The following SBNO2 variants were observed in gnomAD, a reference collection of about 807,000 sequenced individuals.
The protein encoded by SBNO2 is strawberry notch homolog 2, also known as protein strawberry notch homolog 2.
SBNO2 carries 89 observed loss-of-function variants against 146.3 expected under a neutral mutation model. That is an observed-to-expected ratio of 0.61 (90% CI 0.51 to 0.73). The LOEUF (loss-of-function observed/expected upper bound fraction) is 0.73, where lower values mean the gene tolerates loss of function less well. SBNO2 is among the 30% of genes least tolerant of loss of function. The probability of loss-of-function intolerance (pLI) is 0.00; values close to 1 mark genes in which losing one functional copy is unlikely to be tolerated. For missense variants in SBNO2, 2,092 were observed against 2,003.7 expected, an observed-to-expected ratio of 1.04 and a Z score of -0.84; for synonymous variants, 1,147 against 892.6, an observed-to-expected ratio of 1.29 and a Z score of -5.08.
At chr19:1,122,614 C>T (rs1255403594) in intron 9 of SBNO2, 44 bp downstream of exon 9, 4 of 1,435,912 alleles carry the variant, frequency 2.8e-6, no homozygotes, top group South Asian at 1.2e-5. Flanking sequence ...CCCGCTTCCG[C>T]CCCCCACCCC....
chr19:1,122,786 G>A lies in SBNO2; in HGVS notation c.786C>T (p.His262=), dbSNP rs1387866223. 5.2e-6 allele frequency: 8 copies of A among 1,538,048 alleles called. No individual in the cohort carries two copies. The highest frequency in any genetic ancestry group is 2.4e-5 in the East Asian group (1 of 40,992). Residue 262 remains histidine (H), a synonymous_variant, in exon 9 of 32, where the codon CAC becomes CAT. Transcript: ENST00000361757. The part of the protein sequence containing the change: ...LEAITYACQQ[H]EVLLPSGQRA... ...GCTGCCCGCTGGGGAGCAGGACCTC[G>A]TGTTGCTGTTGCCGGAGAGCAGGCG...
chr19:1,125,392 C>T (rs921472504), intron 5 of SBNO2, among the ~76,000 whole-genome samples: 3 of 145,938 alleles, frequency 2.1e-5, no homozygotes, highest in African/African-American at 7.7e-5. Context: ...GAGCGTGGGC[C>T]GGGCATGGTG....
chr19:1,126,803 G>A lies in SBNO2; in HGVS notation c.441+801C>T, dbSNP rs11084884. ...CTCCCAAAGTCTAGAAGCTTCTCTC[G>A]TGGACAGGCCCGGATTGGGGAAGGG... On this transcript the variant is annotated intron_variant, in intron 5 of 31. Coordinates refer to ENST00000361757, the MANE Select transcript of SBNO2 (RefSeq NM_014963.3). The surrounding 1 kb of genome is among the most constrained non-coding windows in gnomAD (Gnocchi z 4.4). Among the ~76,000 whole-genome samples, 1 of 152,064 alleles carries A rather than the reference G, an allele frequency of 6.6e-6. No homozygotes were observed. Among genetic ancestry groups the A allele is most frequent in the South Asian group, 2.1e-4 (1 of 4,826 alleles).
At position 1,109,499 on chromosome 19, in the gene SBNO2, A is replaced by G. The variant is rs1349464393; in HGVS notation, c.3216+7T>C. On this transcript the variant is annotated splice_region_variant and intron_variant, in intron 28 of 31. Transcript: ENST00000361757. This position sits in a 1 kb window ranked among gnomAD's most constrained non-coding sequence, Gnocchi z 4.2. ...TCCTCTGGGGGGGTAACCCCGCCCGACCCCACCTTGTAGGAGAGGTAGAAG... is the reference window on the plus strand; with the variant it reads ...TCCTCTGGGGGGGTAACCCCGCCCGGCCCCACCTTGTAGGAGAGGTAGAAG... 6.3e-7 allele frequency: 1 copy of G among 1,590,028 alleles called. No homozygotes were observed. The highest frequency in any genetic ancestry group is 8.5e-7 in the Non-Finnish European group (1 of 1,169,898).
At position 1,109,651 on chromosome 19, in the gene SBNO2, G is replaced by A. The variant is rs766509146; in HGVS notation, c.3123+32C>T. 1.4e-5 allele frequency: 23 copies of A among 1,601,220 alleles called. No homozygotes were observed. The highest frequency in any genetic ancestry group is 2.0e-5 in the Non-Finnish European group (23 of 1,173,904). Reference sequence around the variant, plus strand: ...GAGTGTGGTGGGGGCGGGGTGGGCAGAGTGTGAGGGGCTGTGGGGCTTCCT... The same window carrying A: ...GAGTGTGGTGGGGGCGGGGTGGGCAAAGTGTGAGGGGCTGTGGGGCTTCCT... On this transcript the variant is annotated intron_variant, in intron 27 of 31. Coordinates refer to ENST00000361757, the MANE Select transcript of SBNO2 (RefSeq NM_014963.3). This position sits in a 1 kb window ranked among gnomAD's most constrained non-coding sequence, Gnocchi z 4.2.
intron 15 of SBNO2, 83 bp downstream of exon 15, chr19:1,117,240 G>A (rs2079843547): frequency 2.2e-6 from 3 of 1,364,054 alleles, no homozygotes; most frequent in East Asian, 5.0e-5. Context: ...TCTGGGGAGG[G>A]GCCAGGAAGG....
chr19:1,112,305 G>C lies in SBNO2; in HGVS notation c.2516-4C>G, dbSNP rs1262662103. The C allele has an allele frequency of 1.9e-6, 3 of 1,580,842 alleles. No homozygotes were observed. Among genetic ancestry groups the C allele is most frequent in the African/African-American group, 1.3e-5 (1 of 74,398 alleles). On this transcript the variant is annotated splice_region_variant and splice_polypyrimidine_tract_variant and intron_variant, in intron 21 of 31. Transcript: ENST00000361757. The surrounding 1 kb of genome is among the most constrained non-coding windows in gnomAD (Gnocchi z 5.9). ...TGGTTGGACCGGTGGGTGCGGCCTG[G>C]GGGCAGAGCTGCTCTCAGGGCCCGG...
At chr19:1,115,757 C>T (rs182505383) in intron 17 of SBNO2, 6 of 559,046 alleles carry the variant, frequency 1.1e-5, no homozygotes, top group African/African-American at 3.8e-5. Context: ...CACCCGCGTC[C>T]GTGTCCCGCC....
At chr19:1,127,568 G>A in intron 5 of SBNO2, 36 bp downstream of exon 5, 1 of 1,598,512 alleles carries the variant, frequency 6.3e-7, no homozygotes, top group Non-Finnish European at 8.5e-7. Flanking sequence ...CCACGCTGGT[G>A]GGTCGGGGCT....
intron 5 of SBNO2, among the ~76,000 whole-genome samples, chr19:1,127,058 A>C (rs1206890094): frequency 6.6e-6 from 1 of 152,124 alleles, no homozygotes. Flanking sequence ...AGGATCCACC[A>C]ACCTCGCCCT....
intron 1 of SBNO2, among the ~76,000 whole-genome samples, chr19:1,170,446 C>T (rs4807630): frequency 0.27 from 40,755 of 152,100 alleles, 6,287 homozygotes; most frequent in East Asian, 0.46. Context: ...CCCACACTGC[C>T]GGGCGGACAG....
intron 4 of SBNO2, among the ~76,000 whole-genome samples, chr19:1,146,548 C>G (rs1230121729): frequency 6.6e-6 from 1 of 152,040 alleles, no homozygotes; most frequent in Admixed American, 6.5e-5. Context: ...GACCCTCGCT[C>G]CCCGGCAGGC....
At chr19:1,132,154 C>T (rs2080036809) in intron 4 of SBNO2, 1 of 1,467,886 alleles carries the variant, frequency 6.8e-7, no homozygotes, top group Non-Finnish European at 9.0e-7. Context: ...GCTCGGGGGG[C>T]CAGGGGTCCC....
At chr19:1,152,189 C>T (rs1292690094) in intron 2 of SBNO2, among the ~76,000 whole-genome samples, 1 of 152,212 alleles carries the variant, frequency 6.6e-6, no homozygotes, top group Admixed American at 6.5e-5. Context: ...AGTGCCCCCG[C>T]CGGGTTCCAG....
chr19:1,157,856 CT>C lies in SBNO2; in HGVS notation c.-126-3455del, dbSNP rs1568632211. ...CTGCGTCCGCCTCCCAGCTCTCTCT[CT>C]TGAGTCCGGGTAACTGCATCTGCCT... On this transcript the variant is annotated intron_variant, in intron 1 of 31. Coordinates refer to ENST00000361757, the MANE Select transcript of SBNO2 (RefSeq NM_014963.3). This position sits in a 1 kb window ranked among gnomAD's most constrained non-coding sequence, Gnocchi z 6.8. Among the ~76,000 whole-genome samples, 216 of 150,018 alleles carry C rather than the reference CT, an allele frequency of 1.4e-3. 1 individual carries two copies. Among genetic ancestry groups the C allele is most frequent in the African/African-American group, 5.2e-3 (212 of 40,530 alleles).
At chr19:1,149,740 CG>C (rs1319217481) in intron 2 of SBNO2, among the ~76,000 whole-genome samples, 1 of 152,220 alleles carries the variant, frequency 6.6e-6, no homozygotes, top group Non-Finnish European at 1.5e-5. Context: ...GCCCGCAGCC[CG>C]GGAGTCTGCA....
At chr19:1,127,281 G>A (rs559730166) in intron 5 of SBNO2, among the ~76,000 whole-genome samples, 2 of 152,318 alleles carry the variant, frequency 1.3e-5, no homozygotes, top group African/African-American at 4.8e-5. Flanking sequence ...CGGTGGACAC[G>A]GGGCAGGGTC....
At chr19:1,170,769 G>A (rs2080469898) in intron 1 of SBNO2, among the ~76,000 whole-genome samples, 2 of 151,828 alleles carry the variant, frequency 1.3e-5, no homozygotes, top group Non-Finnish European at 2.9e-5. Context: ...AACGGACACA[G>A]GTGCACAGGC....
At chr19:1,162,124 G>A (rs1050035198) in intron 1 of SBNO2, among the ~76,000 whole-genome samples, 1 of 135,094 alleles carries the variant, frequency 7.4e-6, no homozygotes. Context: ...CCCTAGACGG[G>A]AGCAGGGATG....
Sources: gnomAD v4.1 joint callset for allele counts (sites outside exome capture counted in the v4.1 genomes callset) on GRCh38, gnomAD v4.1.1 for gene constraint, Gnocchi (gnomAD v3.1) non-coding constraint, MANE v1.5 for transcripts, NCBI Gene and HGNC (gene_info 2026-07-23, HGNC 2026-07-21) for gene names.